DYNC2H1: variants seen among roughly 807,000 people sequenced by gnomAD.
DYNC2H1 encodes the protein dynein cytoplasmic 2 heavy chain 1.
DYNC2H1 carries 410 observed loss-of-function variants against 570.0 expected under a neutral mutation model. The observed-to-expected ratio is 0.72, with a 90% CI of 0.66 to 0.78. DYNC2H1 has a LOEUF of 0.78. DYNC2H1 is among the 30% of genes least tolerant of loss of function. The pLI is 0.00. For missense variants in DYNC2H1, 4,865 were observed against 5,046.4 expected, an observed-to-expected ratio of 0.96 and a Z score of 1.09; for synonymous variants, 1,688 against 1,677.6, an observed-to-expected ratio of 1.01 and a Z score of -0.15.
In DYNC2H1 at chr11:103,219,964, CAGA is replaced by C. The variant is rs770387587; in HGVS notation, c.8888_8890del (p.Glu2963del). ...CTTGAAAGACTGAAGCACAGAATAG[CAGA>C]AGAAGTTGTTAAAATTGAAGAAAGA... On this transcript the variant is annotated inframe_deletion, in exon 56 of 89. Coordinates refer to ENST00000375735, the MANE Select transcript of DYNC2H1 (RefSeq NM_001377.3). 1.2e-5 allele frequency: 18 copies of C among 1,507,476 alleles called. No homozygotes were observed. Among genetic ancestry groups the C allele is most frequent in the Non-Finnish European group, 1.4e-5 (16 of 1,137,444 alleles). 93.4% of individuals were successfully genotyped at this position (1,507,476 alleles called of 1,614,324 possible).
chr11:103,130,351 A>G (rs1859210218), intron 13 of DYNC2H1, among the ~76,000 whole-genome samples: 1 of 152,160 alleles, frequency 6.6e-6, no homozygotes, highest in African/African-American at 2.4e-5. Context: ...GACATCTTTT[A>G]AGCAGGTCTT....
chr11:103,373,292 CT>C lies in DYNC2H1; in HGVS notation c.12156+14939del, dbSNP rs540476297. ...TTGTATGTGTCTAGGAATTTATCCACTTTTTTCTGCTATCAGTGTGTTGGCA... is the reference window on the plus strand; with the variant it reads ...TTGTATGTGTCTAGGAATTTATCCACTTTTTCTGCTATCAGTGTGTTGGCA... On this transcript the variant is annotated intron_variant, in intron 83 of 88. Transcript: ENST00000375735. Among the ~76,000 whole-genome samples the C allele has an allele frequency of 3.4e-3, 511 of 152,128 alleles. 14 individuals carry two copies. Among genetic ancestry groups the C allele is most frequent in the Non-Finnish European group, 1.5e-3 (103 of 67,990 alleles).
chr11:103,231,465 G>T, intron 60 of DYNC2H1, 119 bp downstream of exon 60: 1 of 536,660 alleles, frequency 1.9e-6, no homozygotes, highest in Non-Finnish European at 3.2e-6. Flanking sequence ...GATGCTGTGG[G>T]ACCCAGTAGT....
intron 1 of DYNC2H1, among the ~76,000 whole-genome samples, chr11:103,110,396 C>A (rs1565305343): frequency 6.6e-6 from 1 of 151,956 alleles, no homozygotes; most frequent in Non-Finnish European, 1.5e-5. Flanking sequence ...TTTTTCTCTC[C>A]CCTTTTTGAG....
chr11:103,211,980 T>A (rs371674572), intron 54 of DYNC2H1, 37 bp downstream of exon 54: 134 of 1,455,118 alleles, frequency 9.2e-5, no homozygotes, highest in Non-Finnish European at 1.2e-4. Flanking sequence ...TTTATCTATA[T>A]ATAGGAAACA....
chr11:103,463,843 A>C (rs1236942328), intron 87 of DYNC2H1, among the ~76,000 whole-genome samples: 1 of 152,184 alleles, frequency 6.6e-6, no homozygotes, highest in East Asian at 1.9e-4. Context: ...AAGCTGAAAG[A>C]CAAAGAAATA....
Position 103,125,143 on chromosome 11 carries a change from G to A in DYNC2H1, c.1705G>A (p.Gly569Arg), listed in dbSNP as rs886347904. The change falls in exon 12 of 89, where the codon GGA becomes AGA. Residue 569 changes from glycine to arginine, a missense_variant. Transcript: ENST00000375735. ...AATTATGGAATTGGATTCTAATGAT[G>A]GATTACTAAAAGTGCATTATTCAGA... ...SRIMELDSND[G>R]LLKVHYSDRL... 6.2e-6 allele frequency: 10 copies of A among 1,613,288 alleles called. No homozygotes were observed. In the Admixed American group the frequency reaches 1.7e-4, roughly 27 times the overall value.
At position 103,465,437 on chromosome 11, in the gene DYNC2H1, G is replaced by C. The variant is rs1945166700; in HGVS notation, c.12649-3152G>C. Among the ~76,000 whole-genome samples, 1 of 150,424 alleles carries C rather than the reference G, an allele frequency of 6.6e-6. No homozygotes were observed. The highest frequency in any genetic ancestry group is 2.4e-5 in the African/African-American group (1 of 40,956). ...TTAAAATTTAATGCAATTTCAACCA[G>C]TATCCCAAAGTGTGTTTTGTTTTTT... On this transcript the variant is annotated intron_variant, in intron 87 of 88. Coordinates refer to ENST00000375735, the MANE Select transcript of DYNC2H1 (RefSeq NM_001377.3). The surrounding 1 kb of genome is among the most constrained non-coding windows in gnomAD (Gnocchi z 4.9).
intron 53 of DYNC2H1, among the ~76,000 whole-genome samples, chr11:103,210,378 ATAT>A (rs1282317770): frequency 1.3e-5 from 2 of 151,956 alleles, no homozygotes; most frequent in African/African-American, 4.8e-5. Context: ...CTTAACTATA[ATAT>A]TCTCATTATT....
chr11:103,466,543 T>C (rs188595880), intron 87 of DYNC2H1, among the ~76,000 whole-genome samples: 17 of 152,302 alleles, frequency 1.1e-4, no homozygotes, highest in Non-Finnish European at 2.5e-4. Flanking sequence ...AGGATGTTTA[T>C]AGATCAATCT....
At chr11:103,352,726 G>T (rs1940112661) in intron 82 of DYNC2H1, among the ~76,000 whole-genome samples, 1 of 152,118 alleles carries the variant, frequency 6.6e-6, no homozygotes, top group Admixed American at 6.5e-5. Context: ...TGACCCTTGT[G>T]GAAGACAGTG....
rs1867237799 is a variant in DYNC2H1 at position 103,305,390 on chromosome 11, G to A, written c.11382+670G>A. Among the ~76,000 whole-genome samples, 1 of 152,130 alleles carries A rather than the reference G, an allele frequency of 6.6e-6. No homozygotes were observed. Among genetic ancestry groups the A allele is most frequent in the Non-Finnish European group, 1.5e-5 (1 of 68,024 alleles). ...GATGTCCACCCCTAGTACAAGGAAT[G>A]AAGAGATGTCCTTGATAGTACTAGA... On this transcript the variant is annotated intron_variant, in intron 77 of 88. Transcript: ENST00000375735. The surrounding 1 kb of genome is among the most constrained non-coding windows in gnomAD (Gnocchi z 4.3).
At chr11:103,121,285 C>A in intron 9 of DYNC2H1, 87 bp from the exon 10 acceptor site, 1 of 1,404,246 alleles carries the variant, frequency 7.1e-7, no homozygotes, top group Non-Finnish European at 9.5e-7. Flanking sequence ...CTTTCTACAG[C>A]ATCTGACATA....
At chr11:103,110,565 A>G (rs866772771) in intron 1 of DYNC2H1, among the ~76,000 whole-genome samples, 49 of 152,074 alleles carry the variant, frequency 3.2e-4, no homozygotes, top group Middle Eastern at 6.8e-3. Context: ...ACATCATGTG[A>G]TATACTGATT....
chr11:103,347,269 C>T (rs1448795044), intron 82 of DYNC2H1, among the ~76,000 whole-genome samples: 1 of 152,106 alleles, frequency 6.6e-6, no homozygotes, highest in African/African-American at 2.4e-5. Flanking sequence ...ACTTATAATA[C>T]ATAACAATTT....
Position 103,234,173 on chromosome 11 carries a change from G to A in DYNC2H1, c.9567+13G>A. On this transcript the variant is annotated intron_variant, in intron 61 of 88. Coordinates refer to ENST00000375735, the MANE Select transcript of DYNC2H1 (RefSeq NM_001377.3). ...ATGGAATGCACAGGTTTGTTTGAGA[G>A]AGGGGCCATGAGGAGTCTACCTTTA... 1 of 1,576,974 alleles carries A rather than the reference G, an allele frequency of 6.3e-7. No individual in the cohort carries two copies. Among genetic ancestry groups the A allele is most frequent in the Non-Finnish European group, 8.6e-7 (1 of 1,160,098 alleles).
intron 1 of DYNC2H1, among the ~76,000 whole-genome samples, chr11:103,110,893 T>C (rs1026034178): frequency 6.6e-6 from 1 of 152,112 alleles, no homozygotes; most frequent in African/African-American, 2.4e-5. Flanking sequence ...TGGCACAATC[T>C]TGGCTCACTG....
intron 35 of DYNC2H1, among the ~76,000 whole-genome samples, 190 bp downstream of exon 35, chr11:103,173,495 G>C (rs1362952804): frequency 6.6e-6 from 1 of 151,932 alleles, no homozygotes; most frequent in East Asian, 1.9e-4. Context: ...AAAACTACTT[G>C]CTTTTCTTAA....
Position 103,181,795 on chromosome 11 carries a change from G to A in DYNC2H1, c.6386G>A (p.Trp2129Ter). 1 of 1,575,400 alleles carries A rather than the reference G, an allele frequency of 6.3e-7. No homozygotes were observed. The change falls in exon 40 of 89, where the codon TGG (tryptophan) becomes TAG (stop). Residue 2129 changes from tryptophan (W) to a stop codon, truncating the protein, a stop_gained. Coordinates refer to ENST00000375735, the MANE Select transcript of DYNC2H1 (RefSeq NM_001377.3). LOFTEE classifies it high-confidence loss of function. This position sits in a 1 kb window ranked among gnomAD's most constrained non-coding sequence, Gnocchi z 5.0. ...GATCTTAATTCTCTGATAAAATCTT[G>A]GTTGAGGAATCAGCCTGCTGAATAT... ...ETDLNSLIKS[W>*]LRNQPAEYRN...
Sources: gnomAD v4.1 joint callset for allele counts (sites outside exome capture counted in the v4.1 genomes callset) on GRCh38, gnomAD v4.1.1 for gene constraint, Gnocchi (gnomAD v3.1) non-coding constraint, MANE v1.5 for transcripts, NCBI Gene and HGNC (gene_info 2026-07-23, HGNC 2026-07-21) for gene names.